NYAP2: variants seen among roughly 807,000 people sequenced by gnomAD.
The protein encoded by NYAP2 is neuronal tyrosine-phosphorylated phosphoinositide-3-kinase adaptor 2.
In NYAP2, 23 loss-of-function variants were observed where a neutral mutation model predicts 50.4. The ratio of observed to expected loss-of-function variants is 0.46; its 90% CI spans 0.33 to 0.65. NYAP2 has a LOEUF of 0.65. Among genes scored for constraint, NYAP2 ranks in the 30% least tolerant of loss-of-function variants. The pLI, the probability that NYAP2 is intolerant of heterozygous loss-of-function variation, is 0.02. For synonymous variants in NYAP2, 394 were observed against 365.2 expected (o/e 1.08, Z -0.90); for missense variants, 885 against 861.0 (o/e 1.03, Z -0.35).
chr2:225,477,571 C>T (rs1690138257), intron 3 of NYAP2, among the ~76,000 whole-genome samples: 2 of 152,120 alleles, frequency 1.3e-5, no homozygotes, highest in Admixed American at 1.3e-4. Context: ...ACAGATCTTA[C>T]TGATACTGCT....
chr2:225,456,365 T>C (rs1689739744), intron 3 of NYAP2, among the ~76,000 whole-genome samples: 1 of 152,238 alleles, frequency 6.6e-6, no homozygotes, highest in Non-Finnish European at 1.5e-5. Context: ...TCTTCTCTTC[T>C]GAGACTGAGA....
intron 4 of NYAP2, among the ~76,000 whole-genome samples, chr2:225,527,803 A>G (rs59937149): frequency 0.012 from 1,854 of 152,166 alleles, 42 homozygotes; most frequent in African/African-American, 0.043. Context: ...ATGTGTCACC[A>G]TGCTCAGCTA....
intron 5 of NYAP2, among the ~76,000 whole-genome samples, chr2:225,624,193 G>T (rs1693169884): frequency 6.6e-6 from 1 of 152,106 alleles, no homozygotes; most frequent in African/African-American, 2.4e-5. Context: ...ACTTGTTCAG[G>T]GTGCTGCCCA....
rs202103737 is a variant in NYAP2 at position 225,491,489 on chromosome 2, A to G, written c.222-21882A>G. Among the ~76,000 whole-genome samples the G allele has an allele frequency of 2.6e-5, 4 of 152,324 alleles. No homozygotes were observed. In the East Asian group the frequency reaches 7.7e-4, roughly 29 times the overall value. Reference sequence around the variant, plus strand: ...AATCAGAGAATTTAAGTGTCTGTGAATTTGTAATTTCTCAGCAATTTCTTG... The same window carrying G: ...AATCAGAGAATTTAAGTGTCTGTGAGTTTGTAATTTCTCAGCAATTTCTTG... On this transcript the variant is annotated intron_variant, in intron 3 of 6. Coordinates refer to ENST00000636099, the Ensembl canonical transcript of NYAP2.
intron 3 of NYAP2, among the ~76,000 whole-genome samples, chr2:225,502,755 G>A (rs1690629133): frequency 6.6e-6 from 1 of 152,068 alleles, no homozygotes; most frequent in Non-Finnish European, 1.5e-5. Context: ...GGTTGTTAGG[G>A]CCCCAGGACT....
chr2:225,664,586 C>T, the NYAP2 span, among the ~76,000 whole-genome samples: 97 of 151,930 alleles, frequency 6.4e-4, no homozygotes, highest in African/African-American at 2.3e-3. Flanking sequence ...AACTGAAATG[C>T]GGCCGGGCAC....
chr2:225,520,456 G>T (rs547318522), intron 4 of NYAP2, among the ~76,000 whole-genome samples: 2 of 152,250 alleles, frequency 1.3e-5, no homozygotes, highest in South Asian at 4.1e-4. Flanking sequence ...TGTATAAGGT[G>T]TAAGGAAGGG....
At chr2:225,700,635 T>C in the NYAP2 span, 3 of 151,836 alleles carry the variant, frequency 2.0e-5, no homozygotes, top group Non-Finnish European at 4.4e-5. Context: ...TATGACCACA[T>C]ATACTCAAGC....
chr2:225,665,589 C>CA, the NYAP2 span, among the ~76,000 whole-genome samples: 566 of 132,400 alleles, frequency 4.3e-3, 3 homozygotes, highest in African/African-American at 0.013. Flanking sequence ...TTTTTGAGAC[C>CA]AAAAAAAAAA....
chr2:225,511,611 T>C (rs1356108731), intron 3 of NYAP2, among the ~76,000 whole-genome samples: 1 of 152,146 alleles, frequency 6.6e-6, no homozygotes, highest in African/African-American at 2.4e-5. Context: ...ATAAAATATT[T>C]TGGGTTGAGT....
At chr2:225,401,457 T>C (rs1010204820) in intron 2 of NYAP2, among the ~76,000 whole-genome samples, 19 of 152,142 alleles carry the variant, frequency 1.2e-4, no homozygotes, top group African/African-American at 4.3e-4. Context: ...AGAGCCCAAT[T>C]TTACATTCTC....
intron 3 of NYAP2, among the ~76,000 whole-genome samples, chr2:225,478,241 TC>T (rs1348162055): frequency 1.3e-5 from 2 of 152,052 alleles, no homozygotes; most frequent in Non-Finnish European, 2.9e-5. Context: ...GGAATCTGGA[TC>T]CTGGATATAT....
intron 3 of NYAP2, among the ~76,000 whole-genome samples, chr2:225,511,302 G>A (rs957147087): frequency 6.9e-6 from 1 of 144,808 alleles, no homozygotes; most frequent in Non-Finnish European, 1.5e-5. Flanking sequence ...AGCTTCTAAT[G>A]TATGTCTTAA....
chr2:225,665,301 A>G, the NYAP2 span, among the ~76,000 whole-genome samples: 1 of 152,206 alleles, frequency 6.6e-6, no homozygotes, highest in Non-Finnish European at 1.5e-5. Flanking sequence ...TGCCCATAGA[A>G]TCTTTAAAAA....
chr2:225,592,139 C>T (rs1692518705), intron 5 of NYAP2, among the ~76,000 whole-genome samples: 1 of 152,154 alleles, frequency 6.6e-6, no homozygotes, highest in South Asian at 2.1e-4. Flanking sequence ...GATATGGGTA[C>T]TCACCTCAAT....
chr2:225,575,366 A>G (rs1389966533), intron 4 of NYAP2, among the ~76,000 whole-genome samples: 5 of 152,198 alleles, frequency 3.3e-5, no homozygotes, highest in Non-Finnish European at 7.3e-5. Flanking sequence ...TTAGGTATGT[A>G]TAACTGCATA....
intron 4 of NYAP2, among the ~76,000 whole-genome samples, chr2:225,559,056 G>A (rs1691824352): frequency 1.3e-5 from 2 of 152,056 alleles, no homozygotes; most frequent in African/African-American, 2.4e-5. Flanking sequence ...GGTGGAGGCT[G>A]TCTTTTTTCT....
At position 225,530,193 on chromosome 2, in the gene NYAP2, A is replaced by C. The variant is rs559290606; in HGVS notation, c.523+16521A>C. On this transcript the variant is annotated intron_variant, in intron 4 of 6. Transcript: ENST00000636099. ...AATAGTAATGGAAAGAAATCTTTCT[A>C]ATGGGTGAATGTACCCCAGAGCAGT... Among the ~76,000 whole-genome samples the C allele has an allele frequency of 1.2e-4, 19 of 152,322 alleles. No homozygotes were observed. The South Asian group carries it at 3.9e-3, about 32-fold the overall frequency.
In NYAP2 at chr2:225,406,121, A is replaced by G. The variant is rs1454068062; in HGVS notation, c.-17-2743A>G. ...ATTCCAACCACTATTTTTTTTTTTA[A>G]TTTGGAAATTGAAGTTTAAAAACAG... On this transcript the variant is annotated intron_variant, in intron 2 of 6. Transcript: ENST00000636099. Among the ~76,000 whole-genome samples the G allele has an allele frequency of 2.0e-5, 3 of 151,114 alleles. No homozygotes were observed. In the East Asian group the frequency reaches 5.8e-4, roughly 29 times the overall value.
Sources: gnomAD v4.1 joint callset for allele counts (sites outside exome capture counted in the v4.1 genomes callset) on GRCh38, gnomAD v4.1.1 for gene constraint, MANE v1.5 for transcripts, NCBI Gene and HGNC (gene_info 2026-07-23, HGNC 2026-07-21) for gene names.